Variants in CACNB4 observed in about 807,000 individuals in gnomAD.
The protein encoded by CACNB4 is calcium voltage-gated channel auxiliary subunit beta 4.
Under a neutral mutation model 71.2 loss-of-function variants are expected in CACNB4, and 32 were observed. The observed-to-expected ratio is 0.45, with a 90% CI of 0.34 to 0.60. CACNB4 has a LOEUF of 0.60. CACNB4 is among the 20% of genes least tolerant of loss of function. The pLI, the probability that CACNB4 is intolerant of heterozygous loss-of-function variation, is 0.01. For synonymous variants in CACNB4, 231 were observed against 236.9 expected, an observed-to-expected ratio of 0.97 and a Z score of 0.23; for missense variants, 464 against 647.9, an observed-to-expected ratio of 0.72 and a Z score of 3.08.
At chr2:152,015,532 G>C (rs1405377782) in intron 2 of CACNB4, among the ~76,000 whole-genome samples, 1 of 152,178 alleles carries the variant, frequency 6.6e-6, no homozygotes, top group East Asian at 1.9e-4. Flanking sequence ...CTTGCAGAGG[G>C]ATTCTATTTA....
intron 12 of CACNB4, chr2:151,851,099 C>G (rs534827788): frequency 6.6e-6 from 1 of 152,142 alleles, no homozygotes; most frequent in African/African-American, 2.4e-5. Context: ...TTAAGTAAGT[C>G]GCAAATTCTC....
At chr2:152,025,567 G>C (rs1008537318) in intron 2 of CACNB4, among the ~76,000 whole-genome samples, 30 of 152,286 alleles carry the variant, frequency 2.0e-4, no homozygotes, top group African/African-American at 7.0e-4. Context: ...CCAGGGGCCA[G>C]ATTAAATAAA....
At chr2:151,904,199 C>G (rs1371637164) in intron 2 of CACNB4, among the ~76,000 whole-genome samples, 1 of 152,204 alleles carries the variant, frequency 6.6e-6, no homozygotes, top group Non-Finnish European at 1.5e-5. Context: ...TTAAGCACTT[C>G]TAGTTACATG....
chr2:151,969,014 C>T (rs773157478), intron 2 of CACNB4: 2 of 152,216 alleles, frequency 1.3e-5, no homozygotes, highest in Non-Finnish European at 2.9e-5. Flanking sequence ...TTTTAGAAAA[C>T]CATCATTGCT....
intron 2 of CACNB4, among the ~76,000 whole-genome samples, chr2:152,084,673 A>G (rs550839456): frequency 2.6e-5 from 4 of 152,238 alleles, no homozygotes; most frequent in African/African-American, 9.6e-5. Flanking sequence ...GCAGTGGCAC[A>G]ATCATAGCTC....
At chr2:152,008,874 G>A (rs560183328) in intron 2 of CACNB4, among the ~76,000 whole-genome samples, 2 of 152,164 alleles carry the variant, frequency 1.3e-5, no homozygotes, top group African/African-American at 2.4e-5. Context: ...CCAGTGAAGC[G>A]CTGGGCAGCA....
At chr2:151,972,692 T>C (rs567015432) in intron 2 of CACNB4, 1 of 143,956 alleles carries the variant, frequency 6.9e-6, no homozygotes, top group Non-Finnish European at 1.6e-5. Context: ...CCACAGGGTT[T>C]TTTTTTGTTT....
chr2:152,040,854 G>C (rs752692054), intron 2 of CACNB4, among the ~76,000 whole-genome samples: 9 of 152,172 alleles, frequency 5.9e-5, no homozygotes, highest in Admixed American at 2.0e-4. Flanking sequence ...CCAAATGATG[G>C]TGATTAACCC....
At chr2:151,902,859 T>G (rs959386073) in intron 2 of CACNB4, among the ~76,000 whole-genome samples, 10 of 152,188 alleles carry the variant, frequency 6.6e-5, no homozygotes, top group African/African-American at 1.7e-4. Flanking sequence ...GAATGAAAAT[T>G]TCCTCCATTA....
intron 2 of CACNB4, among the ~76,000 whole-genome samples, chr2:152,013,535 C>A (rs1009957477): frequency 6.6e-6 from 1 of 152,024 alleles, no homozygotes; most frequent in East Asian, 1.9e-4. Flanking sequence ...CCTTGTGAGT[C>A]CCATGATGGA....
chr2:151,937,638 C>T (rs1300547133), intron 2 of CACNB4, among the ~76,000 whole-genome samples: 1 of 152,174 alleles, frequency 6.6e-6, no homozygotes, highest in African/African-American at 2.4e-5. Flanking sequence ...GGGGAATGTT[C>T]TGCTGGGGGT....
chr2:152,094,599 G>A (rs1688162892), intron 2 of CACNB4, among the ~76,000 whole-genome samples: 2 of 152,116 alleles, frequency 1.3e-5, no homozygotes, highest in Non-Finnish European at 2.9e-5. Context: ...TAGATACTCG[G>A]GGTACATGGT....
At chr2:151,980,721 A>G (rs1316808639) in intron 2 of CACNB4, among the ~76,000 whole-genome samples, 6 of 152,250 alleles carry the variant, frequency 3.9e-5, no homozygotes, top group Non-Finnish European at 8.8e-5. Context: ...AACCCAGAAC[A>G]TGAGCATCCC....
chr2:151,915,212 T>A (rs968265393), intron 2 of CACNB4, among the ~76,000 whole-genome samples: 8 of 152,140 alleles, frequency 5.3e-5, no homozygotes, highest in African/African-American at 1.9e-4. Context: ...CCTCACCCAA[T>A]GAGTAAGGAT....
intron 2 of CACNB4, among the ~76,000 whole-genome samples, chr2:151,904,722 A>G (rs1000415229): frequency 6.6e-6 from 1 of 152,090 alleles, no homozygotes; most frequent in African/African-American, 2.4e-5. Context: ...TTTAGTAGAG[A>G]CGGGGTTTCA....
intron 2 of CACNB4, among the ~76,000 whole-genome samples, chr2:152,053,874 CAGTT>C (rs1458702151): frequency 2.0e-5 from 3 of 152,086 alleles, no homozygotes; most frequent in Non-Finnish European, 4.4e-5. Context: ...GGGAATCCCT[CAGTT>C]AGAAGTATAG....
chr2:152,075,667 A>G (rs1042224640), intron 2 of CACNB4, among the ~76,000 whole-genome samples: 4 of 152,266 alleles, frequency 2.6e-5, no homozygotes, highest in East Asian at 1.9e-4. Flanking sequence ...CCCCTCAGCC[A>G]CACACACAGA....
chr2:151,863,354 C>T (rs2099842248), intron 9 of CACNB4, among the ~76,000 whole-genome samples: 1 of 152,214 alleles, frequency 6.6e-6, no homozygotes, highest in African/African-American at 2.4e-5. Context: ...GTGTGAGCCA[C>T]CATGCTCAGC....
chr2:151,874,240 C>T (rs812778), intron 5 of CACNB4: 102,390 of 151,948 alleles, frequency 0.67, 37,464 homozygotes, highest in Non-Finnish European at 0.82. Context: ...GAGTCCGAGG[C>T]GGGCAAATCA....
Sources: allele counts gnomAD v4.1 joint callset (sites outside exome capture counted in the v4.1 genomes callset), GRCh38; gene constraint gnomAD v4.1.1; transcripts MANE v1.5; gene names NCBI Gene and HGNC (gene_info 2026-07-23, HGNC 2026-07-21).